APBB1: variants seen among roughly 807,000 people sequenced by gnomAD.
APBB1 encodes the protein amyloid beta precursor protein binding family B member 1.
APBB1 carries 22 observed loss-of-function variants against 78.4 expected under a neutral mutation model. That is an observed-to-expected ratio of 0.28 (90% CI 0.20 to 0.40). The LOEUF (loss-of-function observed/expected upper bound fraction) is 0.40, where lower values mean the gene tolerates loss of function less well. Among genes scored for constraint, APBB1 ranks in the 10% least tolerant of loss-of-function variants. The pLI, the probability that APBB1 is intolerant of heterozygous loss-of-function variation, is 1.00. For missense variants in APBB1, 749 were observed against 932.4 expected (o/e 0.80, Z 2.56); for synonymous variants, 369 against 372.7 (o/e 0.99, Z 0.12).
intron 6 of APBB1, 108 bp from the exon 7 acceptor site, chr11:6,402,833 A>T (rs1456002424): frequency 1.1e-4 from 146 of 1,385,030 alleles, no homozygotes; most frequent in Non-Finnish European, 9.9e-7. Context: ...TAAGACGGAG[A>T]AGCTCCCCAA....
At position 6,395,906 on chromosome 11, in the gene APBB1, G is replaced by C. The variant is rs774829554; in HGVS notation, c.1845C>G (p.Gly615=). Residue 615 remains glycine (G), a synonymous_variant, in exon 14 of 15, where the codon GGC becomes GGG. Transcript: ENST00000609360. The surrounding 1 kb of genome is among the most constrained non-coding windows in gnomAD (Gnocchi z 5.2). ...RVRFLSFLAV[G]RDVHTFAFIM... ...TGAATGCAAACGTGTGGACATCTCT[G>C]CCCACGGCCAGGAAGGAGAGGAAAC... 3 of 1,613,958 alleles carry C rather than the reference G, an allele frequency of 1.9e-6. No homozygotes were observed. In the East Asian group the frequency reaches 6.7e-5, roughly 36 times the overall value.
rs752575406 is a variant in APBB1 at position 6,400,974 on chromosome 11, G to C, written c.1672+15C>G. ...ATCAAGGTAGCAGCCCCTGGGTATA[G>C]AAGGACACACATACCAACAGGTTTA... On this transcript the variant is annotated intron_variant, in intron 12 of 14. Transcript: ENST00000609360. 1 of 1,611,388 alleles carries C rather than the reference G, an allele frequency of 6.2e-7. No individual in the cohort carries two copies. Among genetic ancestry groups the C allele is most frequent in the Admixed American group, 1.7e-5 (1 of 60,024 alleles).
intron 2 of APBB1, chr11:6,405,112 A>G: frequency 7.5e-7 from 1 of 1,331,796 alleles, no homozygotes; most frequent in Admixed American, 3.4e-5. Context: ...CTGAATCTCC[A>G]TCCCACCCTC....
At chr11:6,398,836 C>T (rs928939040) in intron 12 of APBB1, among the ~76,000 whole-genome samples, 22 of 152,192 alleles carry the variant, frequency 1.4e-4, no homozygotes, top group Admixed American at 1.0e-3. Context: ...AGATTTTGGA[C>T]GTGAAAGTCA....
At chr11:6,399,486 A>G (rs926175258) in intron 12 of APBB1, among the ~76,000 whole-genome samples, 5 of 152,154 alleles carry the variant, frequency 3.3e-5, no homozygotes, top group South Asian at 2.1e-4. Context: ...CATCGAACCA[A>G]TCACTGAGGC....
At chr11:6,400,257 C>A (rs2010196) in intron 12 of APBB1, among the ~76,000 whole-genome samples, 2,105 of 152,246 alleles carry the variant, frequency 0.014, 47 homozygotes, top group African/African-American at 0.048. Context: ...TTAACCAGAT[C>A]AGGCCAGGCA....
At chr11:6,412,441 G>A (rs1318704468) in intron 1 of APBB1, among the ~76,000 whole-genome samples, 1 of 152,118 alleles carries the variant, frequency 6.6e-6, no homozygotes, top group African/African-American at 2.4e-5. Context: ...ATGAGCCACT[G>A]CGTCCGGCCC....
At chr11:6,412,188 T>C (rs188036745) in intron 1 of APBB1, among the ~76,000 whole-genome samples, 122 of 152,326 alleles carry the variant, frequency 8.0e-4, no homozygotes, top group African/African-American at 2.9e-3. Context: ...ATCTTGCTCT[T>C]GTTGCCCAGG....
At chr11:6,419,362 C>T (rs78500695), upstream of APBB1, 21 of 199,482 alleles carry the variant, frequency 1.1e-4, no homozygotes, top group South Asian at 3.8e-3. Flanking sequence ...CGCCCCGCAG[C>T]GCCCTGGTCC....
rs138045443 is a variant in APBB1, at chr11:6,414,691, T to C, written c.-14-3330A>G. Among the ~76,000 whole-genome samples the C allele has an allele frequency of 2.7e-3, 409 of 152,192 alleles. 4 individuals carry two copies. The highest frequency in any genetic ancestry group is 9.1e-3 in the African/African-American group (378 of 41,542). On this transcript the variant is annotated intron_variant, in intron 1 of 14. Transcript: ENST00000609360. ...ACAGGAATCCTGGAGAGGTGAGGGCTGAGATCTAGGAAAAGGGAGCGAGGG... is the reference window on the plus strand; with the variant it reads ...ACAGGAATCCTGGAGAGGTGAGGGCCGAGATCTAGGAAAAGGGAGCGAGGG...
At chr11:6,396,394 T>A (rs556073140) in intron 12 of APBB1, 179 bp from the exon 13 acceptor site, 2 of 577,402 alleles carry the variant, frequency 3.5e-6, no homozygotes, top group African/African-American at 3.9e-5. Flanking sequence ...TCCCCTGGCT[T>A]CAGTAACTGG....
At chr11:6,405,377 C>T in intron 2 of APBB1, 3 of 986,756 alleles carry the variant, frequency 3.0e-6, no homozygotes, top group Non-Finnish European at 3.6e-6. Context: ...CACCACCCCC[C>T]ACCCCTCACC....
At position 6,410,755 on chromosome 11, in the gene APBB1, C is replaced by T. The variant is rs1446244825; in HGVS notation, c.593G>A (p.Gly198Asp). Residue 198 changes from glycine to aspartate, a missense_variant, in exon 2 of 15, where the codon GGC becomes GAC. By Grantham distance (94) the Gly-to-Asp change is moderately conservative. Coordinates refer to ENST00000609360, the MANE Select transcript of APBB1 (RefSeq NM_001164.5). ...APPRPQALTD[G>D]PREHSKSASL... Reference sequence around the variant, plus strand: ...GGCACTCTTGCTGTGTTCCCGGGGGCCATCTGTAAGGGCTTGGGGCCTGGG... The same window carrying T: ...GGCACTCTTGCTGTGTTCCCGGGGGTCATCTGTAAGGGCTTGGGGCCTGGG... 6.3e-7 allele frequency: 1 copy of T among 1,584,324 alleles called. No homozygotes were observed. The highest frequency in any genetic ancestry group is 1.4e-5 in the African/African-American group (1 of 74,024).
chr11:6,407,669 T>C (rs1270255058), intron 2 of APBB1, among the ~76,000 whole-genome samples: 1 of 152,078 alleles, frequency 6.6e-6, no homozygotes, highest in Non-Finnish European at 1.5e-5. Flanking sequence ...TCAGCTGGAG[T>C]GCAGGAGGGG....
chr11:6,403,173 G>A lies in APBB1; in HGVS notation c.1076C>T (p.Pro359Leu), dbSNP rs767236350. 7 of 1,613,344 alleles carry A rather than the reference G, an allele frequency of 4.3e-6. No individual in the cohort carries two copies. Among genetic ancestry groups the A allele is most frequent in the South Asian group, 1.1e-5 (1 of 90,884 alleles). Reference sequence around the variant, plus strand: ...GATCCCTGGGTTGGTATTCCGTGGGGGAAGCTTCTCCTCCTCTTGGGGCAA... The same window carrying A: ...GATCCCTGGGTTGGTATTCCGTGGGAGAAGCTTCTCCTCCTCTTGGGGCAA... Reference protein sequence around the residue: ...EPLPQEEEKLPPRNTNPGIKC... With the variant: ...EPLPQEEEKLLPRNTNPGIKC... Residue 359 changes from proline to leucine, a missense_variant, in exon 6 of 15, where the codon CCC (proline) becomes CTC (leucine). By Grantham distance (98) the Pro-to-Leu change is moderately conservative. Coordinates refer to ENST00000609360, the MANE Select transcript of APBB1 (RefSeq NM_001164.5). The surrounding 1 kb of genome is among the most constrained non-coding windows in gnomAD (Gnocchi z 5.3).
rs879170136 is a variant in APBB1 at position 6,395,999 on chromosome 11, C to T, written c.1789-37G>A. 6.2e-7 allele frequency: 1 copy of T among 1,606,868 alleles called. No homozygotes were observed. The highest frequency in any genetic ancestry group is 8.5e-7 in the Non-Finnish European group (1 of 1,175,112). The stretch of plus-strand genomic sequence containing the variant: ...GAACTCAGTTAAAAAGGAACACCAA[C>T]CCCACACTGTGTTCCACATCCATCT... On this transcript the variant is annotated intron_variant, in intron 13 of 14. Coordinates refer to ENST00000609360, the MANE Select transcript of APBB1 (RefSeq NM_001164.5). The surrounding 1 kb of genome is among the most constrained non-coding windows in gnomAD (Gnocchi z 5.2).
rs747474944 is a variant in APBB1 at position 6,403,252 on chromosome 11, G to A, written c.1041-44C>T. 1.2e-6 allele frequency: 2 copies of A among 1,610,622 alleles called. No individual in the cohort carries two copies. Among genetic ancestry groups the A allele is most frequent in the African/African-American group, 2.7e-5 (2 of 74,782 alleles). ...ACTTGGCACAGGGCTCCCATAAATG[G>A]AGCTGTCCCAAGGCCCCTTCCAGAC... is the stretch of plus-strand genomic sequence containing the variant. On this transcript the variant is annotated intron_variant, in intron 5 of 14. Coordinates refer to ENST00000609360, the MANE Select transcript of APBB1 (RefSeq NM_001164.5). This position sits in a 1 kb window ranked among gnomAD's most constrained non-coding sequence, Gnocchi z 5.3.
chr11:6,408,662 G>A (rs1329589497), intron 2 of APBB1, among the ~76,000 whole-genome samples: 2 of 152,094 alleles, frequency 1.3e-5, no homozygotes, highest in African/African-American at 4.8e-5. Context: ...TTGTAACCAC[G>A]CCCAGCTAAT....
intron 2 of APBB1, 106 bp downstream of exon 2, chr11:6,410,521 G>A: frequency 3.9e-6 from 4 of 1,013,890 alleles, no homozygotes; most frequent in Non-Finnish European, 2.8e-6. Flanking sequence ...GTGGCCTCAG[G>A]GTATGGGCTC....
Sources: gnomAD v4.1 joint callset for allele counts (sites outside exome capture counted in the v4.1 genomes callset) on GRCh38, gnomAD v4.1.1 for gene constraint, Gnocchi (gnomAD v3.1) non-coding constraint, MANE v1.5 for transcripts, NCBI Gene and HGNC (gene_info 2026-07-23, HGNC 2026-07-21) for gene names.